Variants in MEGF10 observed in about 807,000 individuals in gnomAD.
MEGF10 encodes the protein multiple EGF like domains 10.
In MEGF10, 86 loss-of-function variants were observed where a neutral mutation model predicts 147.5. The observed-to-expected ratio is 0.58, with a 90% CI of 0.49 to 0.70. MEGF10 has a LOEUF of 0.70. Among genes scored for constraint, MEGF10 ranks in the 30% least tolerant of loss-of-function variants. The pLI is 0.00. For missense variants in MEGF10, 1,329 were observed against 1,487.3 expected (o/e 0.89, Z 1.75); for synonymous variants, 478 against 525.5 (o/e 0.91, Z 1.24).
chr5:127,290,246 T>A (rs577720667), upstream of MEGF10, among the ~76,000 whole-genome samples: 1 of 151,114 alleles, frequency 6.6e-6, no homozygotes, highest in East Asian at 2.0e-4. Context: ...TGCCTTCACC[T>A]CCCCGCCCCA....
the MEGF10 span, among the ~76,000 whole-genome samples, chr5:127,262,871 A>G: frequency 6.6e-6 from 1 of 152,174 alleles, no homozygotes; most frequent in East Asian, 1.9e-4. Context: ...GGTAGAGATG[A>G]GGAAAATTTT....
Position 127,457,460 on chromosome 5 carries a change from C to A in MEGF10, c.*142C>A. ...TGGACATGAACCAGAAAGCTGAAAG[C>A]TGAGGCTGACACGGACTGTAGGTGC... On this transcript the variant is annotated 3_prime_UTR_variant, in exon 25 of 25. Coordinates refer to ENST00000503335, the MANE Select transcript of MEGF10 (RefSeq NM_001256545.2). 1.2e-6 allele frequency: 1 copy of A among 863,090 alleles called. No homozygotes were observed. Among genetic ancestry groups the A allele is most frequent in the Non-Finnish European group, 1.7e-6 (1 of 575,848 alleles). The allele number at this position is 863,090 out of a possible 1,614,324, so 53.5% of individuals were successfully genotyped here.
chr5:127,234,838 A>G, the MEGF10 span, among the ~76,000 whole-genome samples: 1 of 150,438 alleles, frequency 6.6e-6, no homozygotes, highest in Non-Finnish European at 1.5e-5. Context: ...TCCAACTTCC[A>G]TATCTTTTTT....
At chr5:127,357,686 C>T (rs1245168751) in intron 4 of MEGF10, among the ~76,000 whole-genome samples, 1 of 151,238 alleles carries the variant, frequency 6.6e-6, no homozygotes, top group Non-Finnish European at 1.5e-5. Context: ...ACTTAAAATC[C>T]CTTTATTCTG....
chr5:127,331,573 G>C lies in MEGF10; in HGVS notation c.116+149G>C. 6 of 555,928 alleles carry C rather than the reference G, an allele frequency of 1.1e-5. No homozygotes were observed. The South Asian group carries it at 1.4e-4, about 13-fold the overall frequency. The allele number at this position is 555,928 out of a possible 1,614,324, so 34.4% of individuals were successfully genotyped here. A position where few individuals can be genotyped will look rare whatever the true frequency, so the allele number is the denominator to read the frequency against. On this transcript the variant is annotated intron_variant, in intron 2 of 24. Coordinates refer to ENST00000503335, the MANE Select transcript of MEGF10 (RefSeq NM_001256545.2). ...ATCATTAGTCATAGCTAGCAAATTA[G>C]GTGGTGTTAGTCACCTTGGTCTTAT...
At chr5:127,277,467 C>T in the MEGF10 span, among the ~76,000 whole-genome samples, 1 of 152,170 alleles carries the variant, frequency 6.6e-6, no homozygotes, top group Non-Finnish European at 1.5e-5. Context: ...CAAGAAACCT[C>T]CTGCTTACAA....
intron 16 of MEGF10, 31 bp downstream of exon 16, chr5:127,435,520 T>C: frequency 1.9e-6 from 3 of 1,583,512 alleles, no homozygotes; most frequent in Non-Finnish European, 2.6e-6. Flanking sequence ...ATTAATAAAC[T>C]GTTCTTATTT....
At chr5:127,262,257 A>G in the MEGF10 span, among the ~76,000 whole-genome samples, 1 of 151,942 alleles carries the variant, frequency 6.6e-6, no homozygotes, top group African/African-American at 2.4e-5. Flanking sequence ...GTACAATTAG[A>G]TCTTAGATCC....
At chr5:127,455,651 TA>T (rs1233598355) in intron 24 of MEGF10, 44 bp downstream of exon 24, 1 of 1,539,834 alleles carries the variant, frequency 6.5e-7, no homozygotes, top group Non-Finnish European at 8.9e-7. Flanking sequence ...CTTAAGTTTT[TA>T]AAAACAATTT....
intron 5 of MEGF10, among the ~76,000 whole-genome samples, chr5:127,390,737 A>G (rs1426963287): frequency 1.3e-5 from 2 of 152,206 alleles, no homozygotes; most frequent in Non-Finnish European, 2.9e-5. Context: ...TATTCCTGGA[A>G]AACTAGGTTG....
At chr5:127,262,247 G>A in the MEGF10 span, among the ~76,000 whole-genome samples, 1 of 152,044 alleles carries the variant, frequency 6.6e-6, no homozygotes, top group Non-Finnish European at 1.5e-5. Flanking sequence ...GATTTAGTAG[G>A]TACAATTAGA....
intron 5 of MEGF10, among the ~76,000 whole-genome samples, chr5:127,376,464 A>G (rs139600373): frequency 2.5e-3 from 378 of 152,270 alleles, no homozygotes; most frequent in Non-Finnish European, 4.0e-3. Flanking sequence ...CCCATTCCCA[A>G]TAGAATGAGG....
At chr5:127,301,410 A>C (rs1464413507) in intron 1 of MEGF10, among the ~76,000 whole-genome samples, 2 of 151,918 alleles carry the variant, frequency 1.3e-5, no homozygotes, top group African/African-American at 4.8e-5. Context: ...TCTCCAAAAG[A>C]GAGTTTGGGG....
At chr5:127,434,479 C>T (rs926550128) in intron 14 of MEGF10, among the ~76,000 whole-genome samples, 24 of 152,232 alleles carry the variant, frequency 1.6e-4, no homozygotes, top group African/African-American at 5.5e-4. Context: ...TCTCAAGAAA[C>T]TCAGAGTTTA....
At chr5:127,405,640 A>G (rs1018712257) in intron 8 of MEGF10, among the ~76,000 whole-genome samples, 11 of 152,134 alleles carry the variant, frequency 7.2e-5, no homozygotes, top group African/African-American at 2.7e-4. Flanking sequence ...GAGCCTCCAA[A>G]TTAATGTTGA....
chr5:127,264,862 A>G, the MEGF10 span, among the ~76,000 whole-genome samples: 5 of 152,024 alleles, frequency 3.3e-5, no homozygotes, highest in Non-Finnish European at 5.9e-5. Flanking sequence ...CAGGTTTGTT[A>G]CATAGGTAAA....
the MEGF10 span, among the ~76,000 whole-genome samples, chr5:127,246,339 C>G: frequency 1.1e-4 from 17 of 151,390 alleles, no homozygotes; most frequent in South Asian, 3.5e-3. Context: ...CCATTCTCAG[C>G]AAACTAACAC....
intron 1 of MEGF10, among the ~76,000 whole-genome samples, chr5:127,314,713 G>A (rs994103514): frequency 1.3e-5 from 2 of 152,074 alleles, no homozygotes; most frequent in Non-Finnish European, 2.9e-5. Context: ...TCAAATTAGC[G>A]GGATATGAAA....
rs574376262 is a variant in MEGF10, at chr5:127,369,991, A to G, written c.401A>G (p.Asn134Ser). Residue 134 changes from asparagine to serine, a missense_variant, in exon 5 of 25, where the codon AAC (asparagine) becomes AGC (serine). Around this residue, in one of 3 missense-constraint regions of MEGF10, gnomAD observed 980 missense variants for 1,085.9 expected, o/e 0.90. Coordinates refer to ENST00000503335, the MANE Select transcript of MEGF10 (RefSeq NM_001256545.2). ...TGTGAGCCTGGCTGGGGAGGGACCA[A>G]CTGCTCCAGTGGTAAGTTTCCACCT... Reference protein sequence around the residue: ...CQCEPGWGGTNCSSACDGDHW... With the variant: ...CQCEPGWGGTSCSSACDGDHW... The G allele has an allele frequency of 1.8e-4, 293 of 1,612,660 alleles. No homozygotes were observed. The highest frequency in any genetic ancestry group is 5.0e-4 in the Middle Eastern group (3 of 6,040).
Sources: allele counts gnomAD v4.1 joint callset (sites outside exome capture counted in the v4.1 genomes callset), GRCh38; gene constraint gnomAD v4.1.1; regional missense constraint gnomAD v4.1.1; transcripts MANE v1.5; gene names NCBI Gene and HGNC (gene_info 2026-07-23, HGNC 2026-07-21).